TTI1: variants seen among roughly 807,000 people sequenced by gnomAD.
TTI1 encodes TELO2-interacting protein 1 homolog.
Under a neutral mutation model 85.4 loss-of-function variants are expected in TTI1, and 52 were observed. The observed-to-expected ratio is 0.61, with a 90% CI of 0.49 to 0.77. The LOEUF (loss-of-function observed/expected upper bound fraction) is 0.77. Among genes scored for constraint, TTI1 ranks in the 30% least tolerant of loss-of-function variants. The pLI, the probability that TTI1 is intolerant of heterozygous loss-of-function variation, is 0.00. For missense variants in TTI1, 1,173 were observed against 1,296.0 expected (o/e 0.91, Z 1.46); for synonymous variants, 512 against 503.9 (o/e 1.02, Z -0.22).
intron 7 of TTI1, among the ~76,000 whole-genome samples, chr20:37,989,866 G>A (rs1240209100): frequency 6.6e-6 from 1 of 152,218 alleles, no homozygotes; most frequent in East Asian, 1.9e-4. Flanking sequence ...ACAGCTCTAG[G>A]AAATGTCCTT....
chr20:37,985,691 C>T (rs2073181610), intron 7 of TTI1, among the ~76,000 whole-genome samples: 1 of 152,030 alleles, frequency 6.6e-6, no homozygotes, highest in South Asian at 2.1e-4. Context: ...CCATGCCCGG[C>T]TAATTTTTGT....
chr20:38,011,718 T>C lies in TTI1; in HGVS notation c.2099A>G (p.Asn700Ser). 1 of 1,614,202 alleles carries C rather than the reference T, an allele frequency of 6.2e-7. No individual in the cohort carries two copies. Among genetic ancestry groups the C allele is most frequent in the Non-Finnish European group, 8.5e-7 (1 of 1,180,032 alleles). Residue 700 changes from asparagine to serine, a missense_variant, in exon 2 of 8, where the codon AAT becomes AGT. Asn to Ser is a conservative substitution (Grantham distance 46, BLOSUM62 1). Coordinates refer to ENST00000373447, the MANE Select transcript of TTI1 (RefSeq NM_001303457.2). ...LINQNSDYLV[N>S]GISLNLRHLA... is the part of the protein sequence containing the mutation. Reference sequence around the variant, plus strand: ...ATGACGCAGATTTAAAGAGATCCCATTCACTAAATAGTCTGAATTTTGATT... The same window carrying C: ...ATGACGCAGATTTAAAGAGATCCCACTCACTAAATAGTCTGAATTTTGATT...
At chr20:38,031,300 C>G (rs538938658) in intron 1 of TTI1, among the ~76,000 whole-genome samples, 1 of 152,288 alleles carries the variant, frequency 6.6e-6, no homozygotes, top group Non-Finnish European at 1.5e-5. Context: ...TGATGCAGTC[C>G]CTTCGTACTT....
At chr20:37,985,483 G>A (rs988059624) in intron 7 of TTI1, among the ~76,000 whole-genome samples, 6 of 151,964 alleles carry the variant, frequency 3.9e-5, no homozygotes, top group Non-Finnish European at 8.8e-5. Context: ...CACTAAGGAG[G>A]TCAGGGAGGC....
At position 38,012,515 on chromosome 20, in the gene TTI1, T is replaced by C; in HGVS notation, c.1302A>G (p.Gln434=). 2 of 1,614,166 alleles carry C rather than the reference T, an allele frequency of 1.2e-6. No homozygotes were observed. The highest frequency in any genetic ancestry group is 2.2e-5 in the South Asian group (2 of 91,076). The change falls in exon 2 of 8, where the codon CAA becomes CAG. Residue 434 remains glutamine, a synonymous_variant. Coordinates refer to ENST00000373447, the MANE Select transcript of TTI1 (RefSeq NM_001303457.2). ...HLQRLSKALI[Q]VLELDVADIK... ...TGTCAGCCACGTCTAGCTCTAGAAC[T>C]TGGATGAGTGCTTTGGAAAGCCGCT...
At chr20:38,022,284 C>A (rs2073781197) in intron 1 of TTI1, among the ~76,000 whole-genome samples, 1 of 152,180 alleles carries the variant, frequency 6.6e-6, no homozygotes, top group Non-Finnish European at 1.5e-5. Context: ...GACGCCTTGT[C>A]TGATCACCCC....
chr20:37,985,821 C>T (rs776205007), intron 7 of TTI1, among the ~76,000 whole-genome samples: 22 of 152,002 alleles, frequency 1.4e-4, no homozygotes, highest in Non-Finnish European at 4.4e-5. Context: ...GCACCGGGCC[C>T]GGCCTACTGA....
chr20:38,009,105 A>G (rs1476163792), intron 2 of TTI1, among the ~76,000 whole-genome samples: 1 of 152,196 alleles, frequency 6.6e-6, no homozygotes, highest in African/African-American at 2.4e-5. Flanking sequence ...ATACCTCTTG[A>G]GAGATATATT....
intron 2 of TTI1, among the ~76,000 whole-genome samples, chr20:38,010,362 T>A (rs1490657298): frequency 6.6e-6 from 1 of 151,654 alleles, no homozygotes; most frequent in African/African-American, 2.4e-5. Context: ...GCTCTTTAAA[T>A]AAAAGGGACC....
chr20:37,999,210 A>AG lies in TTI1; in HGVS notation c.2770dup (p.Leu924ProfsTer5). The AG allele has an allele frequency of 6.1e-6, 9 of 1,487,036 alleles. No homozygotes were observed. The highest frequency in any genetic ancestry group is 2.3e-5 in the Admixed American group (1 of 43,134). 92.1% of individuals were successfully genotyped at this position (1,487,036 alleles called of 1,614,324 possible). On this transcript the variant is annotated frameshift_variant, in exon 5 of 8. Coordinates refer to ENST00000373447, the MANE Select transcript of TTI1 (RefSeq NM_001303457.2). LOFTEE classifies it high-confidence loss of function. ...TACCTTGAAGGCTCTAAGCACTGCCAGGGGGGCGTCCCGTGTGAGTCGGTG... is the reference window on the plus strand; with the variant it reads ...TACCTTGAAGGCTCTAAGCACTGCCAGGGGGGGCGTCCCGTGTGAGTCGGTG...
At chr20:38,003,298 AAAT>A (rs2073451611) in intron 3 of TTI1, among the ~76,000 whole-genome samples, 1 of 152,166 alleles carries the variant, frequency 6.6e-6, no homozygotes, top group Admixed American at 6.5e-5. Flanking sequence ...AATGCTTATA[AAAT>A]AATATTGTCT....
intron 1 of TTI1, among the ~76,000 whole-genome samples, chr20:38,025,134 T>C (rs1354154117): frequency 6.6e-6 from 1 of 152,204 alleles, no homozygotes; most frequent in Non-Finnish European, 1.5e-5. Context: ...TGTCAGAGAT[T>C]GTTTAGTCTA....
intron 1 of TTI1, among the ~76,000 whole-genome samples, chr20:38,023,116 T>C (rs1420092517): frequency 1.3e-5 from 2 of 152,202 alleles, no homozygotes; most frequent in Admixed American, 1.3e-4. Flanking sequence ...ACCCCCATCA[T>C]ACATCAGGCA....
intron 1 of TTI1, among the ~76,000 whole-genome samples, chr20:38,016,146 C>T (rs2073678893): frequency 6.6e-6 from 1 of 152,206 alleles, no homozygotes; most frequent in Non-Finnish European, 1.5e-5. Flanking sequence ...AGGATTGTGG[C>T]CCCCAAATGC....
At chr20:38,018,556 G>C (rs1337062252) in intron 1 of TTI1, among the ~76,000 whole-genome samples, 1 of 152,038 alleles carries the variant, frequency 6.6e-6, no homozygotes, top group Admixed American at 6.6e-5. Context: ...CAAAACAAAT[G>C]AAAGAGATCA....
chr20:38,023,229 T>C (rs965343556), intron 1 of TTI1, among the ~76,000 whole-genome samples: 6 of 152,180 alleles, frequency 3.9e-5, no homozygotes, highest in African/African-American at 1.4e-4. Flanking sequence ...AGACTTGGGA[T>C]TCATCTCAAG....
chr20:38,013,249 G>A lies in TTI1; in HGVS notation c.568C>T (p.His190Tyr), dbSNP rs1247902076. ...TCAAGTTCATCCAATGACCTTGGATGGTCCTGACAATCACACTGCAAGAGT... is the reference window on the plus strand; with the variant it reads ...TCAAGTTCATCCAATGACCTTGGATAGTCCTGACAATCACACTGCAAGAGT... ...VLLLQCDCQD[H>Y]PRSLDELEQK... The change falls in exon 2 of 8, where the codon CAT (histidine) becomes TAT (tyrosine). Residue 190 changes from histidine to tyrosine, a missense_variant. Physicochemically the swap from His to Tyr is moderately conservative, Grantham distance 83. Transcript: ENST00000373447. 6.2e-7 allele frequency: 1 copy of A among 1,613,912 alleles called. No homozygotes were observed. Among genetic ancestry groups the A allele is most frequent in the African/African-American group, 1.3e-5 (1 of 74,922 alleles).
intron 3 of TTI1, among the ~76,000 whole-genome samples, chr20:38,004,202 T>C (rs2073466072): frequency 6.6e-6 from 1 of 152,194 alleles, no homozygotes; most frequent in Admixed American, 6.5e-5. Flanking sequence ...AGATGTAAGT[T>C]TGTAAACGGA....
At chr20:37,997,983 G>A (rs1461690499) in intron 5 of TTI1, among the ~76,000 whole-genome samples, 1 of 152,122 alleles carries the variant, frequency 6.6e-6, no homozygotes, top group Non-Finnish European at 1.5e-5. Context: ...TGGATGGAGT[G>A]CAGTGGCACG....
Sources: gnomAD v4.1 joint callset for allele counts (sites outside exome capture counted in the v4.1 genomes callset) on GRCh38, gnomAD v4.1.1 for gene constraint, MANE v1.5 for transcripts, NCBI Gene and HGNC (gene_info 2026-07-23, HGNC 2026-07-21) for gene names.